Variants in AP4S1 observed in about 807,000 individuals in gnomAD.
AP4S1 encodes AP-4 complex subunit sigma-1.
In AP4S1, 23 loss-of-function variants were observed where a neutral mutation model predicts 19.8. The observed-to-expected ratio is 1.16, with a 90% confidence interval of 0.84 to 1.65. The LOEUF is 1.65. AP4S1 is among the 40% of genes most tolerant of loss of function. AP4S1 has a pLI of 0.00. For synonymous variants in AP4S1, 46 were observed against 54.1 expected, an observed-to-expected ratio of 0.85 and a Z score of 0.66; for missense variants, 166 against 172.8, an observed-to-expected ratio of 0.96 and a Z score of 0.22.
At chr14:31,056,150 A>G (rs1374435557) in intron 1 of AP4S1, among the ~76,000 whole-genome samples, 1 of 148,742 alleles carries the variant, frequency 6.7e-6, no homozygotes, top group Non-Finnish European at 1.5e-5. Flanking sequence ...CGGCCTTATC[A>G]TTTTCATTTC....
At chr14:31,029,341 A>G (rs116041583) in intron 1 of AP4S1, among the ~76,000 whole-genome samples, 3,284 of 152,306 alleles carry the variant, frequency 0.022, 111 homozygotes, top group African/African-American at 0.074. Context: ...TATAAAGCCC[A>G]AATTTTAACA....
intron 1 of AP4S1, among the ~76,000 whole-genome samples, chr14:31,041,864 T>C (rs1423754062): frequency 2.0e-5 from 3 of 152,158 alleles, no homozygotes; most frequent in Non-Finnish European, 2.9e-5. Flanking sequence ...TTTTTTGATA[T>C]GGGGGTCTCA....
At chr14:31,084,221 C>T (rs1282110671) in intron 5 of AP4S1, among the ~76,000 whole-genome samples, 2 of 152,216 alleles carry the variant, frequency 1.3e-5, no homozygotes, top group African/African-American at 2.4e-5. Context: ...TGAGTTAAAG[C>T]TTGGTTTTGG....
intron 1 of AP4S1, among the ~76,000 whole-genome samples, chr14:31,036,371 C>T (rs1004472335): frequency 6.6e-6 from 1 of 152,152 alleles, no homozygotes; most frequent in Non-Finnish European, 1.5e-5. Context: ...GTGTGAGCCA[C>T]CGTACCTGGC....
chr14:31,063,687 T>G (rs779706246), intron 1 of AP4S1, among the ~76,000 whole-genome samples: 1 of 152,110 alleles, frequency 6.6e-6, no homozygotes, highest in Non-Finnish European at 1.5e-5. Flanking sequence ...ACATGACAAT[T>G]AAATGCACTA....
intron 5 of AP4S1, among the ~76,000 whole-genome samples, chr14:31,091,712 A>G (rs1187959411): frequency 2.0e-5 from 3 of 152,178 alleles, no homozygotes; most frequent in Non-Finnish European, 4.4e-5. Context: ...AATACAGTGT[A>G]GACTTTGAAT....
At chr14:31,072,435 A>G (rs1262505187) in intron 3 of AP4S1, among the ~76,000 whole-genome samples, 1 of 151,822 alleles carries the variant, frequency 6.6e-6, no homozygotes, top group Admixed American at 6.6e-5. Flanking sequence ...CAGTGGTGCC[A>G]TCATAGCTCA....
chr14:31,061,021 C>G (rs773983722), intron 1 of AP4S1, among the ~76,000 whole-genome samples: 48 of 152,218 alleles, frequency 3.2e-4, no homozygotes, highest in Non-Finnish European at 5.7e-4. Flanking sequence ...TCCTGAGTAG[C>G]TGGGACTACA....
rs1313078783 is a variant in AP4S1, at chr14:31,049,474, T to TCACAC, written c.-71-16652_-71-16651insCACAC. 4.7e-3 allele frequency among the ~76,000 whole-genome samples: 266 copies of TCACAC among 57,066 alleles called. 2 individuals are homozygous for TCACAC. Among genetic ancestry groups the TCACAC allele is most frequent in the Admixed American group, 0.01 (31 of 3,046 alleles). The allele number at this position is 57,066 out of a possible 152,430, so 37.4% of individuals were successfully genotyped here. A position where few individuals can be genotyped will look rare whatever the true frequency, so the allele number is the denominator to read the frequency against. On this transcript the variant is annotated intron_variant, in intron 1 of 5. Coordinates refer to ENST00000542754, the MANE Select transcript of AP4S1 (RefSeq NM_001128126.3). ...ATATATATATATATGTATATATATGTACACACACACACACACACACACACA... is the reference window on the plus strand; with the variant it reads ...ATATATATATATATGTATATATATGTCACACACACACACACACACACACACACACA...
chr14:31,034,777 C>G (rs1160465035), intron 1 of AP4S1, among the ~76,000 whole-genome samples: 1 of 151,328 alleles, frequency 6.6e-6, no homozygotes, highest in Non-Finnish European at 1.5e-5. Context: ...GCCACCACGA[C>G]CAGCTAAATT....
intron 5 of AP4S1, chr14:31,085,210 C>A (rs1887867421): frequency 9.2e-7 from 1 of 1,082,458 alleles, no homozygotes; most frequent in East Asian, 6.6e-5. Context: ...CATCCTCTGA[C>A]TTCCTGGGCC....
chr14:31,036,692 A>G (rs1372584941), intron 1 of AP4S1, among the ~76,000 whole-genome samples: 1 of 152,190 alleles, frequency 6.6e-6, no homozygotes, highest in Non-Finnish European at 1.5e-5. Context: ...GGACCCTACC[A>G]GGCCTCCTTC....
At position 31,077,255 on chromosome 14, in the gene AP4S1, A is replaced by C. The variant is rs1173452485; in HGVS notation, c.295-3318A>C. 5.9e-5 allele frequency among the ~76,000 whole-genome samples: 9 copies of C among 152,274 alleles called. No individual in the cohort carries two copies. In the East Asian group the frequency reaches 1.5e-3, roughly 26 times the overall value. ...CCCAGCCAGCACAAGCTTATTTTTT[A>C]AAGTTGTTTTTTTTCATTTCGCATT... On this transcript the variant is annotated intron_variant, in intron 4 of 5. Transcript: ENST00000542754.
Position 31,049,427 on chromosome 14 carries a change from AAATATATATATATAT to A in AP4S1, c.-71-16697_-71-16683del, listed in dbSNP as rs1313874466. On this transcript the variant is annotated intron_variant, in intron 1 of 5. Transcript: ENST00000542754. ...AGACTCGGTCTCAAAAAAAAAAAAA[AAATATATATATATAT>A]ATATATATATATATATATATGTATA... 8.8e-4 allele frequency among the ~76,000 whole-genome samples: 29 copies of A among 32,972 alleles called. 1 individual carries two copies. Among genetic ancestry groups the A allele is most frequent in the African/African-American group, 2.1e-3 (13 of 6,088 alleles). 21.6% of individuals were successfully genotyped at this position (32,972 alleles called of 152,430 possible).
chr14:31,040,730 T>C (rs1407730970), intron 1 of AP4S1, among the ~76,000 whole-genome samples: 2 of 152,144 alleles, frequency 1.3e-5, no homozygotes, highest in African/African-American at 4.8e-5. Context: ...GATGAGACTT[T>C]TTGGTCAGTT....
intron 1 of AP4S1, among the ~76,000 whole-genome samples, chr14:31,032,249 G>A (rs1243625590): frequency 1.3e-5 from 2 of 152,166 alleles, no homozygotes; most frequent in East Asian, 3.8e-4. Context: ...CAGGCATGGT[G>A]CAGGCGTCAC....
At chr14:31,043,361 T>C (rs1172636790) in intron 1 of AP4S1, among the ~76,000 whole-genome samples, 1 of 152,152 alleles carries the variant, frequency 6.6e-6, no homozygotes, top group Non-Finnish European at 1.5e-5. Flanking sequence ...ACTTCAAATA[T>C]ACTTTGAATC....
chr14:31,082,562 A>G (rs956873574), intron 5 of AP4S1, among the ~76,000 whole-genome samples: 2 of 152,204 alleles, frequency 1.3e-5, no homozygotes, highest in Non-Finnish European at 2.9e-5. Flanking sequence ...GTATTGGACA[A>G]GACACATAAC....
At chr14:31,073,184 G>GT in intron 4 of AP4S1, 12 of 495,652 alleles carry the variant, frequency 2.4e-5, no homozygotes, top group East Asian at 1.4e-4. Context: ...ATAAAGAACT[G>GT]GAAAAAAAAA....
Sources: allele counts gnomAD v4.1 joint callset (sites outside exome capture counted in the v4.1 genomes callset), GRCh38; gene constraint gnomAD v4.1.1; transcripts MANE v1.5; gene names NCBI Gene and HGNC (gene_info 2026-07-23, HGNC 2026-07-21).